STAU2: variants seen among roughly 807,000 people sequenced by gnomAD.
STAU2 encodes the protein double-stranded RNA-binding protein Staufen homolog 2.
In STAU2, 20 loss-of-function variants were observed where a neutral mutation model predicts 65.9. That is an observed-to-expected ratio of 0.30 (90% CI 0.21 to 0.44). STAU2 has a LOEUF of 0.44. Among genes scored for constraint, STAU2 ranks in the 20% least tolerant of loss-of-function variants. The pLI is 1.00. For synonymous variants in STAU2, 232 were observed against 233.9 expected (o/e 0.99, Z 0.07); for missense variants, 558 against 683.9 (o/e 0.82, Z 2.05).
At chr8:73,627,231 G>GGGGGGGGGGGGGGGGGC (rs1563467173) in intron 6 of STAU2, among the ~76,000 whole-genome samples, 1 of 27,232 alleles carries the variant, frequency 3.7e-5, no homozygotes, top group African/African-American at 1.2e-4. Context: ...GGAGGGGGGG[G>GGGGGGGGGGGGGGGGGC]CAGGAGGGCG....
At chr8:73,585,817 G>A (rs74436816) in intron 11 of STAU2, among the ~76,000 whole-genome samples, 39 of 152,248 alleles carry the variant, frequency 2.6e-4, no homozygotes, top group Non-Finnish European at 4.6e-4. Context: ...TAATCCCCAC[G>A]TCTCAAGGGT....
At chr8:73,435,189 C>A (rs1421025961) in intron 13 of STAU2, among the ~76,000 whole-genome samples, 1 of 151,920 alleles carries the variant, frequency 6.6e-6, no homozygotes, top group Non-Finnish European at 1.5e-5. Flanking sequence ...AGGTGGATGT[C>A]CCTAATTTCC....
chr8:73,660,530 C>A (rs1816755771), intron 6 of STAU2, among the ~76,000 whole-genome samples: 1 of 152,142 alleles, frequency 6.6e-6, no homozygotes, highest in African/African-American at 2.4e-5. Flanking sequence ...AAATGTATTA[C>A]CAAGTTATTA....
At chr8:73,591,912 A>C (rs1410152783) in intron 11 of STAU2, among the ~76,000 whole-genome samples, 5 of 142,066 alleles carry the variant, frequency 3.5e-5, no homozygotes, top group African/African-American at 1.4e-4. Context: ...AAAAAAAAAA[A>C]AACAAGAGAG....
rs1157510263 is a variant in STAU2, at chr8:73,715,082, CA to C, written c.-17-5921del. 5.2e-3 allele frequency among the ~76,000 whole-genome samples: 436 copies of C among 83,868 alleles called. 2 individuals carry two copies. The highest frequency in any genetic ancestry group is 0.014 in the African/African-American group (334 of 24,616). 55.0% of individuals were successfully genotyped at this position (83,868 alleles called of 152,430 possible). On this transcript the variant is annotated intron_variant, in intron 3 of 14. Coordinates refer to ENST00000524300, the MANE Select transcript of STAU2 (RefSeq NM_001164380.2). Reference sequence around the variant, plus strand: ...TAAGCAACAGAGCGAGACTCCGTCTCAAAAAAAAAAAAAAAAGTGAAGACAA... The same window carrying C: ...TAAGCAACAGAGCGAGACTCCGTCTCAAAAAAAAAAAAAAAGTGAAGACAA...
chr8:73,690,328 C>CAAA (rs56744849), intron 4 of STAU2, among the ~76,000 whole-genome samples: 20 of 58,224 alleles, frequency 3.4e-4, no homozygotes, highest in East Asian at 3.2e-3. Context: ...GACTCTGTCT[C>CAAA]AAAAAAAAAA....
intron 6 of STAU2, among the ~76,000 whole-genome samples, chr8:73,649,427 T>G (rs190220017): frequency 6.6e-6 from 1 of 152,296 alleles, no homozygotes. Context: ...CCCTGATCTT[T>G]GCAATTTTCT....
intron 11 of STAU2, among the ~76,000 whole-genome samples, chr8:73,586,919 A>G (rs1297177778): frequency 1.3e-5 from 2 of 152,260 alleles, no homozygotes; most frequent in Middle Eastern, 3.4e-3. Flanking sequence ...GAAATAAATA[A>G]CAGCAAAAAT....
intron 13 of STAU2, among the ~76,000 whole-genome samples, chr8:73,504,999 T>C (rs985921435): frequency 6.6e-6 from 1 of 152,136 alleles, no homozygotes; most frequent in Non-Finnish European, 1.5e-5. Context: ...TTTTGGCTCA[T>C]TGTTGTTCTT....
At chr8:73,528,703 T>C (rs886217478) in intron 13 of STAU2, among the ~76,000 whole-genome samples, 1 of 152,186 alleles carries the variant, frequency 6.6e-6, no homozygotes, top group Non-Finnish European at 1.5e-5. Flanking sequence ...TGTATAGATT[T>C]AGGATAAAGG....
intron 13 of STAU2, among the ~76,000 whole-genome samples, chr8:73,519,062 T>A (rs1010535038): frequency 6.6e-6 from 1 of 152,210 alleles, no homozygotes; most frequent in Non-Finnish European, 1.5e-5. Context: ...ATATTTTGAA[T>A]TTTGGCAGCT....
chr8:73,424,610 T>C (rs1052376155), intron 13 of STAU2, among the ~76,000 whole-genome samples: 11 of 152,148 alleles, frequency 7.2e-5, no homozygotes, highest in Non-Finnish European at 1.0e-4. Flanking sequence ...GTTCACTTAT[T>C]GAAGGACATC....
chr8:73,596,904 C>G (rs534271976), intron 10 of STAU2, among the ~76,000 whole-genome samples: 1 of 151,894 alleles, frequency 6.6e-6, no homozygotes, highest in African/African-American at 2.4e-5. Context: ...TTCCAAATTA[C>G]CTAAGGGCAA....
intron 13 of STAU2, among the ~76,000 whole-genome samples, chr8:73,519,845 C>A (rs1016514810): frequency 6.6e-6 from 1 of 152,284 alleles, no homozygotes; most frequent in East Asian, 1.9e-4. Context: ...GAGATCACTG[C>A]CCAGTGGGGT....
chr8:73,490,940 A>T (rs574119768), intron 13 of STAU2, among the ~76,000 whole-genome samples: 1 of 152,164 alleles, frequency 6.6e-6, no homozygotes, highest in South Asian at 2.1e-4. Flanking sequence ...AAGTTCTTAC[A>T]TATTCAAAGT....
At chr8:73,683,243 G>A (rs1818556759) in intron 5 of STAU2, among the ~76,000 whole-genome samples, 2 of 152,094 alleles carry the variant, frequency 1.3e-5, no homozygotes. Flanking sequence ...GAATCCAACA[G>A]CGTATCGAAA....
intron 11 of STAU2, among the ~76,000 whole-genome samples, chr8:73,586,986 T>G (rs536701269): frequency 1.3e-5 from 2 of 152,162 alleles, no homozygotes; most frequent in South Asian, 4.2e-4. Context: ...GTATATGAAT[T>G]TCTAGATTAA....
chr8:73,746,979 C>A, upstream of STAU2: 1 of 613,154 alleles, frequency 1.6e-6, no homozygotes, highest in South Asian at 6.9e-5. Context: ...CAGCCGCTCC[C>A]GCGCCCCAGC....
intron 8 of STAU2, 128 bp from the exon 9 acceptor site, chr8:73,614,084 G>T (rs1205197842): frequency 1.1e-5 from 7 of 660,974 alleles, no homozygotes; most frequent in Non-Finnish European, 1.7e-5. Context: ...CTTTAAGAAA[G>T]CTATTATGAA....
Sources: gnomAD v4.1 joint callset for allele counts (sites outside exome capture counted in the v4.1 genomes callset) on GRCh38, gnomAD v4.1.1 for gene constraint, MANE v1.5 for transcripts, NCBI Gene and HGNC (gene_info 2026-07-23, HGNC 2026-07-21) for gene names.